HIVEP1: variants seen among roughly 807,000 people sequenced by gnomAD.
The protein encoded by HIVEP1 is HIVEP zinc finger 1, also known as zinc finger protein 40.
A neutral mutation model predicts 180.0 loss-of-function variants in HIVEP1; 36 were observed. The ratio of observed to expected loss-of-function variants is 0.20; its 90% CI spans 0.15 to 0.26. The LOEUF (loss-of-function observed/expected upper bound fraction) is 0.26, where lower values mean the gene tolerates loss of function less well. HIVEP1 is among the 10% of genes least tolerant of loss of function. The pLI is 1.00. For synonymous variants in HIVEP1, 1,239 were observed against 1,239.0 expected, an observed-to-expected ratio of 1.00 and a Z score of 0.00; for missense variants, 3,143 against 3,268.7, an observed-to-expected ratio of 0.96 and a Z score of 0.94.
Position 12,122,919 on chromosome 6 carries a change from G to A in HIVEP1, c.3124G>A (p.Glu1042Lys), listed in dbSNP as rs1332537918. 1 of 1,613,836 alleles carries A rather than the reference G, an allele frequency of 6.2e-7. No homozygotes were observed. The highest frequency in any genetic ancestry group is 8.5e-7 in the Non-Finnish European group (1 of 1,179,976). Residue 1042 changes from glutamate (E) to lysine (K), a missense_variant, in exon 4 of 9, where the codon GAA (glutamate) becomes AAA (lysine). This residue lies in a region of HIVEP1 where 1,357 missense variants were observed against 1,260.5 expected (regional missense o/e 1.08). Coordinates refer to ENST00000379388, the MANE Select transcript of HIVEP1 (RefSeq NM_002114.4). ...RKMKSVGDDE[E>K]LQQNESGTSP... is the part of the protein sequence containing the mutation. ...AATGAAAAGTGTTGGGGATGATGAA[G>A]AACTTCAGCAAAATGAAAGTGGAAC... is the stretch of plus-strand genomic sequence containing the variant.
intron 3 of HIVEP1, among the ~76,000 whole-genome samples, chr6:12,107,524 C>G (rs1774510964): frequency 6.6e-6 from 1 of 152,140 alleles, no homozygotes; most frequent in African/African-American, 2.4e-5. Context: ...AGCTGCGGAC[C>G]CTCACGGTGA....
chr6:12,199,360 C>CTTTTTTTTTTTTT, the HIVEP1 span, among the ~76,000 whole-genome samples: 1 of 109,426 alleles, frequency 9.1e-6, no homozygotes, highest in Non-Finnish European at 1.8e-5. Context: ...ACTGTCAATC[C>CTTTTTTTTTTTTT]TTTTTTTTTT....
At chr6:12,150,882 T>C (rs533606907) in intron 7 of HIVEP1, among the ~76,000 whole-genome samples, 32 of 152,304 alleles carry the variant, frequency 2.1e-4, no homozygotes, top group Non-Finnish European at 4.3e-4. Flanking sequence ...TCTAAACATA[T>C]GTGAAAAACA....
intron 1 of HIVEP1, among the ~76,000 whole-genome samples, chr6:12,014,060 G>T (rs1473694022): frequency 6.6e-6 from 1 of 152,252 alleles, no homozygotes; most frequent in East Asian, 1.9e-4. Context: ...TGTGTGACAG[G>T]CAAAGCGTCT....
intron 4 of HIVEP1, 43 bp downstream of exon 4, chr6:12,125,913 T>G (rs1041078136): frequency 8.4e-7 from 1 of 1,191,338 alleles, no homozygotes; most frequent in Admixed American, 2.1e-5. Flanking sequence ...TTTGCGCAAA[T>G]TTGTTTCCAT....
downstream of HIVEP1, among the ~76,000 whole-genome samples, chr6:12,167,069 AATG>A (rs1760725164): frequency 6.6e-6 from 1 of 152,168 alleles, no homozygotes; most frequent in African/African-American, 2.4e-5. Flanking sequence ...TTTCTTTCGA[AATG>A]ATAATTAACC....
intron 7 of HIVEP1, among the ~76,000 whole-genome samples, chr6:12,149,390 G>C (rs1377074413): frequency 6.6e-6 from 1 of 152,092 alleles, no homozygotes; most frequent in Non-Finnish European, 1.5e-5. Context: ...ACACATTTGG[G>C]GGCTTAGTCA....
At chr6:12,039,878 A>G (rs949654852) in intron 2 of HIVEP1, among the ~76,000 whole-genome samples, 2 of 152,168 alleles carry the variant, frequency 1.3e-5, no homozygotes, top group African/African-American at 4.8e-5. Context: ...CACAGGGAGC[A>G]CTGGACCCCT....
At chr6:12,018,568 A>G (rs955139020) in intron 2 of HIVEP1, among the ~76,000 whole-genome samples, 1 of 152,256 alleles carries the variant, frequency 6.6e-6, no homozygotes, top group Non-Finnish European at 1.5e-5. Flanking sequence ...TGAGAAATGA[A>G]TAGTATGGAG....
At chr6:12,066,866 C>G (rs978738196) in intron 2 of HIVEP1, among the ~76,000 whole-genome samples, 3 of 148,616 alleles carry the variant, frequency 2.0e-5, no homozygotes, top group Non-Finnish European at 3.0e-5. Context: ...AACAAAGACA[C>G]TGTGTGTGTG....
At chr6:12,112,034 C>T (rs1189836853) in intron 3 of HIVEP1, among the ~76,000 whole-genome samples, 1 of 152,118 alleles carries the variant, frequency 6.6e-6, no homozygotes. Context: ...TTTCAGAGCT[C>T]TTCATTTATA....
intron 3 of HIVEP1, among the ~76,000 whole-genome samples, chr6:12,108,551 G>C (rs1774630507): frequency 6.6e-6 from 1 of 152,246 alleles, no homozygotes; most frequent in South Asian, 2.1e-4. Context: ...GGCAGCTAAT[G>C]CCCGGCGAGA....
At chr6:12,034,273 A>G (rs1229574576) in intron 2 of HIVEP1, among the ~76,000 whole-genome samples, 1 of 152,222 alleles carries the variant, frequency 6.6e-6, no homozygotes, top group Non-Finnish European at 1.5e-5. Context: ...GCTGGTCTGT[A>G]ACAGATTTAT....
intron 3 of HIVEP1, among the ~76,000 whole-genome samples, chr6:12,111,204 A>C (rs1774869905): frequency 6.6e-6 from 1 of 152,276 alleles, no homozygotes; most frequent in Non-Finnish European, 1.5e-5. Context: ...ATTAGAAAAA[A>C]TATGTCACAC....
chr6:12,176,309 C>G, the HIVEP1 span, among the ~76,000 whole-genome samples: 79 of 151,218 alleles, frequency 5.2e-4, no homozygotes, highest in African/African-American at 1.9e-3. Flanking sequence ...CTCGGCTCAC[C>G]AGAACGTCCA....
intron 7 of HIVEP1, among the ~76,000 whole-genome samples, chr6:12,142,841 T>C (rs945676643): frequency 3.9e-4 from 60 of 152,194 alleles, no homozygotes; most frequent in Non-Finnish European, 6.9e-4. Flanking sequence ...CAGGAAGAAG[T>C]TCAATCTCTG....
chr6:12,198,771 A>G, the HIVEP1 span, among the ~76,000 whole-genome samples: 37 of 152,218 alleles, frequency 2.4e-4, no homozygotes, highest in African/African-American at 7.7e-4. Context: ...CTCCGGGGAA[A>G]GAACGCTTCT....
intron 2 of HIVEP1, among the ~76,000 whole-genome samples, chr6:12,022,045 G>A (rs1768257665): frequency 6.6e-6 from 1 of 152,240 alleles, no homozygotes; most frequent in South Asian, 2.1e-4. Context: ...TGAACCTCGA[G>A]TAGGAAATGC....
chr6:12,045,712 C>T (rs1001785528), intron 2 of HIVEP1, among the ~76,000 whole-genome samples: 1 of 152,208 alleles, frequency 6.6e-6, no homozygotes, highest in Non-Finnish European at 1.5e-5. Flanking sequence ...GATTTTAGCA[C>T]ATAAATGCCT....
Sources: allele counts gnomAD v4.1 joint callset (sites outside exome capture counted in the v4.1 genomes callset), GRCh38; gene constraint gnomAD v4.1.1; regional missense constraint gnomAD v4.1.1; transcripts MANE v1.5; gene names NCBI Gene and HGNC (gene_info 2026-07-23, HGNC 2026-07-21).